SHISA9: variants seen among roughly 807,000 people sequenced by gnomAD.
SHISA9 encodes shisa family member 9.
In SHISA9, 13 loss-of-function variants were observed where a neutral mutation model predicts 38.0. The observed-to-expected ratio is 0.34, with a 90% CI of 0.22 to 0.54. The LOEUF (loss-of-function observed/expected upper bound fraction) is 0.54. Among genes scored for constraint, SHISA9 ranks in the 20% least tolerant of loss-of-function variants. The pLI is 0.91. For synonymous variants in SHISA9, 275 were observed against 242.0 expected, an observed-to-expected ratio of 1.14 and a Z score of -1.27; for missense variants, 538 against 575.8, an observed-to-expected ratio of 0.93 and a Z score of 0.67.
chr16:13,104,881 G>A (rs1017117199), intron 2 of SHISA9, among the ~76,000 whole-genome samples: 4 of 152,194 alleles, frequency 2.6e-5, no homozygotes, highest in Admixed American at 2.6e-4. Context: ...TTTTAAAAAA[G>A]TATGATTTTA....
At chr16:13,463,360 G>A in the SHISA9 span, among the ~76,000 whole-genome samples, 5 of 152,298 alleles carry the variant, frequency 3.3e-5, no homozygotes, top group Admixed American at 3.3e-4. Flanking sequence ...CGTGCAGGTG[G>A]AATCAGCAGT....
intron 3 of SHISA9, among the ~76,000 whole-genome samples, chr16:13,207,352 T>C (rs2051075009): frequency 6.6e-6 from 1 of 152,204 alleles, no homozygotes. Context: ...GCAATGCATT[T>C]GGGATTAAAT....
At chr16:13,469,411 A>AAGAAAGAAAGAG in the SHISA9 span, among the ~76,000 whole-genome samples, 30 of 127,296 alleles carry the variant, frequency 2.4e-4, no homozygotes, top group African/African-American at 9.6e-4. Flanking sequence ...GAAAGAAAGA[A>AAGAAAGAAAGAG]AGAAAGAAAG....
the SHISA9 span, among the ~76,000 whole-genome samples, chr16:13,516,798 A>C: frequency 1.1e-3 from 6 of 5,246 alleles, no homozygotes; most frequent in South Asian, 0.017. Flanking sequence ...ATTCCATCCC[A>C]AAAAAAAAAA....
chr16:13,382,098 G>A, the SHISA9 span, among the ~76,000 whole-genome samples: 5 of 152,144 alleles, frequency 3.3e-5, no homozygotes, highest in African/African-American at 1.2e-4. Flanking sequence ...TTAAATTTTG[G>A]AAGTGTATTG....
At chr16:13,160,888 T>C (rs566877611) in intron 2 of SHISA9, among the ~76,000 whole-genome samples, 4 of 152,296 alleles carry the variant, frequency 2.6e-5, no homozygotes, top group African/African-American at 7.2e-5. Flanking sequence ...ATCAACACTT[T>C]CCTTTTCAGG....
chr16:13,444,255 C>T, the SHISA9 span, among the ~76,000 whole-genome samples: 9 of 152,096 alleles, frequency 5.9e-5, no homozygotes, highest in East Asian at 1.7e-3. Flanking sequence ...CCTATAGTCC[C>T]AGCTACTCAG....
the SHISA9 span, among the ~76,000 whole-genome samples, chr16:13,338,374 G>A: frequency 5.1e-4 from 78 of 152,246 alleles, no homozygotes; most frequent in Middle Eastern, 0.01. Context: ...GGACCTCAGC[G>A]TCATTCATGA....
At chr16:13,086,850 C>CTT (rs11382833) in intron 2 of SHISA9, among the ~76,000 whole-genome samples, 3 of 151,584 alleles carry the variant, frequency 2.0e-5, no homozygotes, top group Admixed American at 2.0e-4. Context: ...CATCTGTTTT[C>CTT]TTTTTTATTA....
chr16:13,539,481 C>T, the SHISA9 span, among the ~76,000 whole-genome samples: 1 of 151,468 alleles, frequency 6.6e-6, no homozygotes, highest in Non-Finnish European at 1.5e-5. Flanking sequence ...TTGGCCCTAA[C>T]CAATGCATTC....
At chr16:13,251,268 C>T in the SHISA9 span, among the ~76,000 whole-genome samples, 2 of 152,110 alleles carry the variant, frequency 1.3e-5, no homozygotes, top group Non-Finnish European at 2.9e-5. Context: ...ACACTTCAGC[C>T]CCTCACCCCA....
At chr16:12,963,356 A>G (rs746125639) in intron 2 of SHISA9, among the ~76,000 whole-genome samples, 2 of 152,172 alleles carry the variant, frequency 1.3e-5, no homozygotes, top group African/African-American at 2.4e-5. Flanking sequence ...TGGAGACCAA[A>G]TGTGTATGCA....
chr16:13,144,706 C>G (rs1188140208), intron 2 of SHISA9, among the ~76,000 whole-genome samples: 4 of 152,298 alleles, frequency 2.6e-5, no homozygotes, highest in African/African-American at 9.6e-5. Context: ...AAGTTTTATG[C>G]TGAAACTGGA....
chr16:13,262,670 A>AAGGAAGGG, the SHISA9 span, among the ~76,000 whole-genome samples: 61 of 70,700 alleles, frequency 8.6e-4, no homozygotes, highest in South Asian at 3.2e-3. Flanking sequence ...GGAAGGAAGG[A>AAGGAAGGG]AGGGAGGGAG....
At chr16:13,469,177 G>C in the SHISA9 span, among the ~76,000 whole-genome samples, 6 of 151,404 alleles carry the variant, frequency 4.0e-5, no homozygotes, top group Non-Finnish European at 4.4e-5. Flanking sequence ...TGGAGGTGGA[G>C]GTTGCAGTGA....
intron 2 of SHISA9, among the ~76,000 whole-genome samples, chr16:13,095,128 C>T (rs1442233446): frequency 6.6e-6 from 1 of 152,202 alleles, no homozygotes; most frequent in Non-Finnish European, 1.5e-5. Context: ...AGAGAATTTT[C>T]TGAGCAATCG....
chr16:13,083,497 G>A (rs2073677016), intron 2 of SHISA9, among the ~76,000 whole-genome samples: 1 of 152,164 alleles, frequency 6.6e-6, no homozygotes, highest in Non-Finnish European at 1.5e-5. Flanking sequence ...AGTGAGGAAA[G>A]CAAGATTGTG....
intron 2 of SHISA9, among the ~76,000 whole-genome samples, chr16:12,960,969 G>A (rs2071903257): frequency 6.6e-6 from 1 of 151,930 alleles, no homozygotes; most frequent in Non-Finnish European, 1.5e-5. Context: ...AGTGGTGGGG[G>A]GCAGACACTA....
At chr16:13,440,235 G>A in the SHISA9 span, among the ~76,000 whole-genome samples, 2 of 152,214 alleles carry the variant, frequency 1.3e-5, no homozygotes, top group African/African-American at 4.8e-5. Flanking sequence ...TCAGAAGGAA[G>A]CCTCTCCCAT....
Sources: allele counts gnomAD v4.1 joint callset (sites outside exome capture counted in the v4.1 genomes callset), GRCh38; gene constraint gnomAD v4.1.1; transcripts MANE v1.5; gene names NCBI Gene and HGNC (gene_info 2026-07-23, HGNC 2026-07-21).